The following KIAA1217 variants were observed in gnomAD, a reference collection of about 807,000 sequenced individuals.
KIAA1217 encodes the protein KIAA1217.
In KIAA1217, 88 loss-of-function variants were observed where a neutral mutation model predicts 163.9. That is an observed-to-expected ratio of 0.54 (90% CI 0.45 to 0.64). The LOEUF is 0.64. Among genes scored for constraint, KIAA1217 ranks in the 30% least tolerant of loss-of-function variants. The probability of loss-of-function intolerance (pLI) is 0.00; values close to 1 mark genes in which losing one functional copy is unlikely to be tolerated. For synonymous variants in KIAA1217, 903 were observed against 923.1 expected, an observed-to-expected ratio of 0.98 and a Z score of 0.39; for missense variants, 2,372 against 2,475.0, an observed-to-expected ratio of 0.96 and a Z score of 0.88.
rs1448181191 is a variant in KIAA1217, at chr10:24,533,147, GA to G, written c.3325del (p.Thr1109ProfsTer25). Reference protein sequence around the residue: ...YPAEEPASAWTPSPPPVTTSS... With the variant: ...YPAEEPASAWXPSPPPVTTSS... ...CAGCAGAGGAGCCTGCTTCAGCCTG[GA>G]CCCCATCCCCACCGCCTGTCACCAC... On this transcript the variant is annotated frameshift_variant, in exon 16 of 21. Coordinates refer to ENST00000376454, the MANE Select transcript of KIAA1217 (RefSeq NM_019590.5). LOFTEE classifies it high-confidence loss of function. 1.2e-6 allele frequency: 2 copies of G among 1,613,712 alleles called. No individual in the cohort carries two copies. The highest frequency in any genetic ancestry group is 1.7e-6 in the Non-Finnish European group (2 of 1,179,978).
intron 1 of KIAA1217, among the ~76,000 whole-genome samples, chr10:23,818,927 T>C (rs1588884494): frequency 6.6e-6 from 1 of 152,226 alleles, no homozygotes; most frequent in Non-Finnish European, 1.5e-5. Flanking sequence ...TGTGAGCTCA[T>C]AATGATCACA....
intron 1 of KIAA1217, among the ~76,000 whole-genome samples, chr10:23,854,651 G>A (rs1839551546): frequency 6.6e-6 from 1 of 152,164 alleles, no homozygotes; most frequent in Non-Finnish European, 1.5e-5. Context: ...GGGAGTCTAA[G>A]TCTCTTTGTA....
In KIAA1217 at chr10:23,833,154, T is replaced by C. The variant is rs112062628; in HGVS notation, c.-321+137920T>C. Among the ~76,000 whole-genome samples the C allele has an allele frequency of 5.2e-3, 791 of 152,336 alleles. 11 individuals carry two copies. Among genetic ancestry groups the C allele is most frequent in the African/African-American group, 0.017 (714 of 41,578 alleles). ...TATATCTGTAAAATGGAGATAGTAA[T>C]AACACCTATTTTATAAGGCTGTTAT... On this transcript the variant is annotated intron_variant, in intron 1 of 18. Coordinates refer to the KIAA1217 transcript ENST00000376462.
chr10:23,790,392 T>C lies in KIAA1217; in HGVS notation c.-321+95158T>C, dbSNP rs187606491. The stretch of plus-strand genomic sequence containing the variant: ...ATATACATATGTATATATACATATG[T>C]ATATATACATATATACATATACATA... On this transcript the variant is annotated intron_variant, in intron 1 of 18. Coordinates refer to the KIAA1217 transcript ENST00000376462. Among the ~76,000 whole-genome samples, 189 of 82,422 alleles carry C rather than the reference T, an allele frequency of 2.3e-3. 10 individuals carry two copies. Among genetic ancestry groups the C allele is most frequent in the Non-Finnish European group, 3.1e-3 (129 of 41,772 alleles). The allele number at this position is 82,422 out of a possible 152,430, so 54.1% of individuals were successfully genotyped here.
intron 2 of KIAA1217, among the ~76,000 whole-genome samples, chr10:24,296,351 T>G (rs1279537486): frequency 6.6e-6 from 1 of 152,146 alleles, no homozygotes; most frequent in Non-Finnish European, 1.5e-5. Flanking sequence ...CAAGCAGTCC[T>G]CCCGCCTAGG....
At chr10:23,992,568 A>C (rs1391760333) in intron 1 of KIAA1217, among the ~76,000 whole-genome samples, 2 of 145,856 alleles carry the variant, frequency 1.4e-5, no homozygotes, top group African/African-American at 5.1e-5. Context: ...AGATATGTTT[A>C]TTTGGCAAAC....
At chr10:24,511,152 C>CAA (rs58529942) in intron 9 of KIAA1217, among the ~76,000 whole-genome samples, 2 of 34,510 alleles carry the variant, frequency 5.8e-5, no homozygotes, top group East Asian at 2.3e-3. Flanking sequence ...GACTCTGTCT[C>CAA]AAAAAAAAAA....
chr10:23,778,794 T>A (rs1002814409), intron 1 of KIAA1217, among the ~76,000 whole-genome samples: 2 of 152,270 alleles, frequency 1.3e-5, no homozygotes, highest in African/African-American at 4.8e-5. Flanking sequence ...TCATTGGCAA[T>A]AAAGGGATTG....
intron 2 of KIAA1217, among the ~76,000 whole-genome samples, chr10:24,111,764 G>C (rs1193823135): frequency 6.6e-6 from 1 of 151,992 alleles, no homozygotes; most frequent in African/African-American, 2.4e-5. Flanking sequence ...AGATGGCTTA[G>C]TTTTTTTGAG....
chr10:24,437,613 C>T (rs564448238), intron 4 of KIAA1217, among the ~76,000 whole-genome samples: 33 of 152,256 alleles, frequency 2.2e-4, no homozygotes, highest in Non-Finnish European at 3.5e-4. Context: ...GGGAGAGAGA[C>T]TTCATAGATA....
intron 2 of KIAA1217, among the ~76,000 whole-genome samples, chr10:24,199,367 A>C (rs1475921601): frequency 6.6e-6 from 1 of 152,258 alleles, no homozygotes; most frequent in Non-Finnish European, 1.5e-5. Flanking sequence ...AGGAAGCTTA[A>C]TATTTTAAGC....
chr10:23,854,842 C>T (rs1356706863), intron 1 of KIAA1217, among the ~76,000 whole-genome samples: 3 of 152,090 alleles, frequency 2.0e-5, no homozygotes, highest in South Asian at 2.1e-4. Flanking sequence ...GCAACCCCTG[C>T]CTTTTTTTGT....
At chr10:23,762,340 A>G (rs933656648) in intron 1 of KIAA1217, among the ~76,000 whole-genome samples, 27 of 152,142 alleles carry the variant, frequency 1.8e-4, no homozygotes, top group South Asian at 8.3e-4. Context: ...ACAGGCCAAT[A>G]TCCCGGATGA....
At position 24,275,662 on chromosome 10, in the gene KIAA1217, G is replaced by A. The variant is rs1242504558; in HGVS notation, c.354+55753G>A. On this transcript the variant is annotated intron_variant, in intron 2 of 20. Coordinates refer to ENST00000376454, the MANE Select transcript of KIAA1217 (RefSeq NM_019590.5). ...TCAAGTATGTTTTTTTTCTCATTAAGCCTTTGCTTAAGATGCAGGCAAGAT... is the reference window on the plus strand; with the variant it reads ...TCAAGTATGTTTTTTTTCTCATTAAACCTTTGCTTAAGATGCAGGCAAGAT... 1.6e-5 allele frequency: 8 copies of A among 486,112 alleles called. No individual in the cohort carries two copies. In the East Asian group the frequency reaches 5.3e-4, roughly 32 times the overall value. The allele number at this position is 486,112 out of a possible 1,614,324, so 30.1% of individuals were successfully genotyped here.
intron 20 of KIAA1217, 97 bp from the exon 21 acceptor site, chr10:24,545,730 A>G (rs1208723487): frequency 6.6e-7 from 1 of 1,516,306 alleles, no homozygotes; most frequent in East Asian, 2.3e-5. Flanking sequence ...GTTTTCTTTG[A>G]TTGAATTATT....
At chr10:23,807,982 T>A (rs1836822169) in intron 1 of KIAA1217, among the ~76,000 whole-genome samples, 3 of 152,196 alleles carry the variant, frequency 2.0e-5, no homozygotes, top group Admixed American at 2.0e-4. Context: ...AAACAGCAAC[T>A]GCACACTGGC....
At chr10:24,140,782 A>G (rs1475233521) in intron 2 of KIAA1217, among the ~76,000 whole-genome samples, 5 of 152,246 alleles carry the variant, frequency 3.3e-5, no homozygotes, top group Non-Finnish European at 7.3e-5. Context: ...CGTGCTTGAC[A>G]TACCTTTAGT....
chr10:24,269,888 A>G (rs967949315), intron 2 of KIAA1217, among the ~76,000 whole-genome samples: 1 of 152,188 alleles, frequency 6.6e-6, no homozygotes, highest in Non-Finnish European at 1.5e-5. Flanking sequence ...ACTATATACA[A>G]TGCTAAATTT....
At chr10:24,158,505 C>A in intron 2 of KIAA1217, 4 of 521,798 alleles carry the variant, frequency 7.7e-6, no homozygotes, top group Middle Eastern at 3.3e-4. Flanking sequence ...AAGCCTTAAC[C>A]AAAGATGGGA....
Sources: gnomAD v4.1 joint callset for allele counts (sites outside exome capture counted in the v4.1 genomes callset) on GRCh38, gnomAD v4.1.1 for gene constraint, MANE v1.5 for transcripts, NCBI Gene and HGNC (gene_info 2026-07-23, HGNC 2026-07-21) for gene names.